The following FRMD4A variants were observed in gnomAD, a reference collection of about 807,000 sequenced individuals.
The protein encoded by FRMD4A is FERM domain containing 4A, also known as FERM domain-containing protein 4A.
FRMD4A carries 29 observed loss-of-function variants against 129.1 expected under a neutral mutation model. That is an observed-to-expected ratio of 0.22 (90% confidence interval 0.17 to 0.31). The LOEUF (loss-of-function observed/expected upper bound fraction) is 0.31, where lower values mean the gene tolerates loss of function less well. FRMD4A is among the 10% of genes least tolerant of loss of function. The pLI, the probability that FRMD4A is intolerant of heterozygous loss-of-function variation, is 1.00. For missense variants in FRMD4A, 1,272 were observed against 1,375.8 expected (o/e 0.92, Z 1.19); for synonymous variants, 634 against 571.6 (o/e 1.11, Z -1.56).
rs143028029 is a variant in FRMD4A at position 13,888,804 on chromosome 10, A to G, written c.46-29892T>C. 2.1e-4 allele frequency among the ~76,000 whole-genome samples: 32 copies of G among 152,326 alleles called. No individual in the cohort carries two copies. In the East Asian group the frequency reaches 5.0e-3, roughly 24 times the overall value. On this transcript the variant is annotated intron_variant, in intron 2 of 24. Coordinates refer to ENST00000357447, the MANE Select transcript of FRMD4A (RefSeq NM_018027.5). ...AATACTCTGTGGAGAGTAGTTTAAA[A>G]GAACTTCAAAAGCTGGTTAACTGTT... is the stretch of plus-strand genomic sequence containing the variant.
chr10:14,041,527 G>A (rs571647875), intron 2 of FRMD4A, among the ~76,000 whole-genome samples: 8 of 152,240 alleles, frequency 5.3e-5, no homozygotes, highest in Non-Finnish European at 7.3e-5. Flanking sequence ...ATCAGGAAAC[G>A]TTTACAAATA....
At chr10:13,673,254 T>TA (rs1249931824) in intron 16 of FRMD4A, among the ~76,000 whole-genome samples, 2 of 152,222 alleles carry the variant, frequency 1.3e-5, no homozygotes, top group African/African-American at 4.8e-5. Context: ...ATTGCTTTCC[T>TA]AAGATTTGCA....
rs140644660 is a variant in FRMD4A at position 13,906,405 on chromosome 10, C to G, written c.46-47493G>C. Among the ~76,000 whole-genome samples the G allele has an allele frequency of 2.8e-3, 420 of 152,312 alleles. 2 individuals carry two copies. Among genetic ancestry groups the G allele is most frequent in the African/African-American group, 9.8e-3 (406 of 41,566 alleles). The stretch of plus-strand genomic sequence containing the variant: ...AACCAACAGCTTACTAGTGGTGTAA[C>G]TTTAGGCTAATGAGTTCTAACCTTT... On this transcript the variant is annotated intron_variant, in intron 2 of 24. Transcript: ENST00000357447.
At chr10:14,081,583 A>G (rs913874868) in intron 2 of FRMD4A, among the ~76,000 whole-genome samples, 2 of 152,246 alleles carry the variant, frequency 1.3e-5, no homozygotes, top group African/African-American at 4.8e-5. Context: ...AAGGTTCAGT[A>G]CAAGCTCAAT....
intron 12 of FRMD4A, among the ~76,000 whole-genome samples, chr10:13,714,027 C>CATATATATAAAATATATATTTTTT (rs1554858885): frequency 1.9e-4 from 6 of 31,170 alleles, no homozygotes; most frequent in Non-Finnish European, 3.1e-4. Context: ...ATAAAATATA[C>CATATATATAAAATATATATTTTTT]ATATATATAT....
At chr10:14,155,696 T>C (rs1414061344) in intron 2 of FRMD4A, among the ~76,000 whole-genome samples, 1 of 152,128 alleles carries the variant, frequency 6.6e-6, no homozygotes, top group Admixed American at 6.5e-5. Context: ...GATAATAAAA[T>C]TGAAAGTTAG....
intron 3 of FRMD4A, among the ~76,000 whole-genome samples, chr10:13,836,061 G>A (rs772714126): frequency 6.6e-6 from 1 of 152,166 alleles, no homozygotes; most frequent in Non-Finnish European, 1.5e-5. Context: ...GCAGTGGCAC[G>A]ATCTCAGCTC....
intron 2 of FRMD4A, among the ~76,000 whole-genome samples, chr10:13,945,665 G>A (rs1025763151): frequency 6.6e-6 from 1 of 152,168 alleles, no homozygotes; most frequent in East Asian, 1.9e-4. Context: ...CACAAAGTGT[G>A]TTATATAAGC....
chr10:13,818,743 T>C (rs1273948451), intron 3 of FRMD4A, among the ~76,000 whole-genome samples: 2 of 152,232 alleles, frequency 1.3e-5, no homozygotes, highest in East Asian at 1.9e-4. Context: ...AATAAATTAG[T>C]CTGATCTATA....
chr10:14,259,276 T>C (rs1251325458), intron 2 of FRMD4A, among the ~76,000 whole-genome samples: 2 of 152,104 alleles, frequency 1.3e-5, no homozygotes, highest in African/African-American at 4.8e-5. Flanking sequence ...AAAAGTGGCC[T>C]CACAAATTCA....
chr10:13,875,523 T>C (rs1380824242), intron 2 of FRMD4A, among the ~76,000 whole-genome samples: 2 of 152,218 alleles, frequency 1.3e-5, no homozygotes, highest in African/African-American at 2.4e-5. Flanking sequence ...TACAGTTTTG[T>C]GTCGTACTCT....
At chr10:14,227,241 TTC>T (rs1843472275) in intron 2 of FRMD4A, among the ~76,000 whole-genome samples, 2 of 122,856 alleles carry the variant, frequency 1.6e-5, no homozygotes, top group Admixed American at 9.8e-5. Context: ...TCTCTTCTTC[TTC>T]TTTTTTTTTT....
chr10:14,196,254 C>T (rs1842470293), intron 2 of FRMD4A, among the ~76,000 whole-genome samples: 1 of 152,128 alleles, frequency 6.6e-6, no homozygotes, highest in African/African-American at 2.4e-5. Flanking sequence ...AGAGCTGAGG[C>T]TGGGTAAGAC....
At chr10:13,814,554 C>T (rs1649641603) in intron 3 of FRMD4A, among the ~76,000 whole-genome samples, 1 of 117,554 alleles carries the variant, frequency 8.5e-6, no homozygotes, top group Admixed American at 1.2e-4. Flanking sequence ...GCACTCCAGC[C>T]TGGGCGATAG....
At chr10:13,697,649 T>C (rs1004210530) in intron 14 of FRMD4A, among the ~76,000 whole-genome samples, 5 of 152,052 alleles carry the variant, frequency 3.3e-5, no homozygotes, top group Admixed American at 3.3e-4. Context: ...CTGTCTGATA[T>C]TGTGGGAACA....
intron 24 of FRMD4A, chr10:13,651,573 G>A: frequency 3.7e-6 from 1 of 270,080 alleles, no homozygotes; most frequent in Non-Finnish European, 7.1e-6. Context: ...TAGCTACTAG[G>A]GAGCCAGGAG....
At chr10:13,824,158 C>T (rs1372198819) in intron 3 of FRMD4A, among the ~76,000 whole-genome samples, 2 of 151,928 alleles carry the variant, frequency 1.3e-5, no homozygotes, top group African/African-American at 2.4e-5. Flanking sequence ...TATATTCAAC[C>T]AACCATGGAT....
At chr10:13,974,196 G>A (rs11258766) in intron 2 of FRMD4A, among the ~76,000 whole-genome samples, 42,973 of 151,910 alleles carry the variant, frequency 0.28, 6,635 homozygotes, top group East Asian at 0.6. Context: ...AAAGTGAAAT[G>A]TATATATTTA....
rs184253507 is a variant in FRMD4A at position 13,892,115 on chromosome 10, A to G, written c.46-33203T>C. The stretch of plus-strand genomic sequence containing the variant: ...TCTCCGTGGCACCCGCAGGCGAGAC[A>G]AAGTTCGCTCCCGGTGAGGCTGCGC... On this transcript the variant is annotated intron_variant, in intron 2 of 24. Transcript: ENST00000357447. 1.3e-3 allele frequency among the ~76,000 whole-genome samples: 200 copies of G among 149,826 alleles called. 1 individual carries two copies. The highest frequency in any genetic ancestry group is 6.8e-3 in the Middle Eastern group (2 of 294).
Sources: allele counts gnomAD v4.1 joint callset (sites outside exome capture counted in the v4.1 genomes callset), GRCh38; gene constraint gnomAD v4.1.1; transcripts MANE v1.5; gene names NCBI Gene and HGNC (gene_info 2026-07-23, HGNC 2026-07-21).